Variants in PIEZO2 observed in about 807,000 individuals in gnomAD.
The protein encoded by PIEZO2 is piezo type mechanosensitive ion channel component 2.
PIEZO2 carries 172 observed loss-of-function variants against 337.3 expected under a neutral mutation model. The observed-to-expected ratio is 0.51, with a 90% CI of 0.45 to 0.58. The LOEUF (loss-of-function observed/expected upper bound fraction) is 0.58. Among genes scored for constraint, PIEZO2 ranks in the 20% least tolerant of loss-of-function variants. PIEZO2 has a pLI of 0.00. For synonymous variants in PIEZO2, 1,251 were observed against 1,228.5 expected (o/e 1.02, Z -0.38); for missense variants, 3,028 against 3,391.3 (o/e 0.89, Z 2.66).
At chr18:11,045,430 G>A (rs543394707) in intron 2 of PIEZO2, among the ~76,000 whole-genome samples, 15 of 151,620 alleles carry the variant, frequency 9.9e-5, no homozygotes, top group African/African-American at 3.1e-4. Context: ...TATTTTCTCC[G>A]TGAGACACAT....
rs556779970 is a variant in PIEZO2 at position 10,789,175 on chromosome 18, G to A, written c.2073C>T (p.Cys691=). ...AMFIKYWIYV[C]GGMFFFVSFE... is the part of the protein sequence containing the mutation. ...AGCTGACGAAGAAGAACATGCCTCC[G>A]CAGACGTAGATCCAGTACTTGATGA... Residue 691 remains cysteine, a synonymous_variant, in exon 15 of 56, where the codon TGC becomes TGT. Coordinates refer to ENST00000674853, the MANE Select transcript of PIEZO2 (RefSeq NM_001378183.1). 6.5e-6 allele frequency: 10 copies of A among 1,537,246 alleles called. No homozygotes were observed. Among genetic ancestry groups the A allele is most frequent in the East Asian group, 4.9e-5 (2 of 40,912 alleles).
At position 10,731,177 on chromosome 18, in the gene PIEZO2, T is replaced by TAGATATA. The variant is rs1555633703; in HGVS notation, c.5029+229_5029+230insTATATCT. Among the ~76,000 whole-genome samples, 50 of 35,228 alleles carry TAGATATA rather than the reference T, an allele frequency of 1.4e-3. 1 individual carries two copies. Among genetic ancestry groups the TAGATATA allele is most frequent in the African/African-American group, 5.8e-3 (45 of 7,756 alleles). 23.1% of individuals were successfully genotyped at this position (35,228 alleles called of 152,430 possible). On this transcript the variant is annotated intron_variant, in intron 36 of 55. Transcript: ENST00000674853. ...CTCTCCTTTTTTCCTACTTAAAAGA[T>TAGATATA]TATATATATATATATATATATATAT...
chr18:10,715,457 G>T (rs2035975595), intron 38 of PIEZO2, among the ~76,000 whole-genome samples, 193 bp downstream of exon 38: 1 of 152,192 alleles, frequency 6.6e-6, no homozygotes, highest in South Asian at 2.1e-4. Flanking sequence ...GTGTGTAGGT[G>T]CATGTGCATG....
At chr18:10,772,287 T>G (rs918968032) in intron 20 of PIEZO2, among the ~76,000 whole-genome samples, 3 of 152,136 alleles carry the variant, frequency 2.0e-5, no homozygotes, top group Non-Finnish European at 4.4e-5. Flanking sequence ...TAAAAAGGTG[T>G]AGGTAATAAA....
chr18:10,947,847 C>T (rs1598734205), intron 3 of PIEZO2, among the ~76,000 whole-genome samples: 2 of 152,146 alleles, frequency 1.3e-5, no homozygotes, highest in East Asian at 3.9e-4. Context: ...TGCTAGTATA[C>T]TATTGCAAAG....
rs34271749 is a variant in PIEZO2 at position 10,770,572 on chromosome 18, TCTTC to T, written c.2786-268_2786-265del. 0.81 allele frequency among the ~76,000 whole-genome samples: 123,355 copies of T among 151,474 alleles called. 50,598 individuals carry two copies. Among genetic ancestry groups the T allele is most frequent in the East Asian group, 0.93 (4,754 of 5,126 alleles). The stretch of plus-strand genomic sequence containing the variant: ...AGTGTAAAGAAGGATTTTGACATTA[TCTTC>T]CTTCCTTCCTTCCTTCCACTCGCTT... On this transcript the variant is annotated intron_variant, in intron 20 of 55. Coordinates refer to ENST00000674853, the MANE Select transcript of PIEZO2 (RefSeq NM_001378183.1).
intron 2 of PIEZO2, 38 bp downstream of exon 2, chr18:11,066,089 G>GTA: frequency 3.4e-6 from 5 of 1,459,046 alleles, no homozygotes; most frequent in Non-Finnish European, 4.6e-6. Flanking sequence ...CATTCAGACT[G>GTA]TATAACTCTG....
chr18:11,012,790 T>C (rs748927895), intron 2 of PIEZO2, among the ~76,000 whole-genome samples: 7 of 152,234 alleles, frequency 4.6e-5, no homozygotes, highest in Non-Finnish European at 1.0e-4. Flanking sequence ...ATGCCTGTAA[T>C]TCCAATACTT....
At chr18:11,040,388 A>C (rs981663242) in intron 2 of PIEZO2, among the ~76,000 whole-genome samples, 1 of 152,154 alleles carries the variant, frequency 6.6e-6, no homozygotes, top group African/African-American at 2.4e-5. Context: ...TATCCAATAA[A>C]GGTTGAGGAG....
intron 1 of PIEZO2, among the ~76,000 whole-genome samples, chr18:11,144,879 G>T (rs1015932268): frequency 6.6e-6 from 1 of 152,082 alleles, no homozygotes; most frequent in African/African-American, 2.4e-5. Flanking sequence ...CAAGACATTA[G>T]GGAACTCCAG....
At chr18:11,086,668 A>G (rs553336861) in intron 1 of PIEZO2, among the ~76,000 whole-genome samples, 1 of 152,334 alleles carries the variant, frequency 6.6e-6, no homozygotes, top group Non-Finnish European at 1.5e-5. Flanking sequence ...ATTGATAGAT[A>G]TGAAAAACAC....
At chr18:10,694,605 A>C (rs1321091820) in intron 47 of PIEZO2, among the ~76,000 whole-genome samples, 2 of 152,192 alleles carry the variant, frequency 1.3e-5, no homozygotes, top group East Asian at 3.9e-4. Context: ...CCCAGGCAGG[A>C]GGACTGCTTG....
At chr18:11,060,282 C>CTAAA (rs1238252489) in intron 2 of PIEZO2, among the ~76,000 whole-genome samples, 1 of 152,068 alleles carries the variant, frequency 6.6e-6, no homozygotes, top group Non-Finnish European at 1.5e-5. Context: ...ATTTATAGCA[C>CTAAA]TAAATGCCCA....
Position 10,726,548 on chromosome 18 carries a change from GCCGCCACGCTGTGCGTCTGTCCTT to G in PIEZO2, c.5029+4835_5029+4858del. On this transcript the variant is annotated intron_variant, in intron 36 of 55. Coordinates refer to ENST00000674853, the MANE Select transcript of PIEZO2 (RefSeq NM_001378183.1). The surrounding 1 kb of genome is among the most constrained non-coding windows in gnomAD (Gnocchi z 5.9). ...TGCGCTGCTCTGCTCTGCTACACCAGCCGCCACGCTGTGCGTCTGTCCTTCCGCCAGCTCTTCCAGGACCTGGCG... is the reference window on the plus strand; with the variant it reads ...TGCGCTGCTCTGCTCTGCTACACCAGCCGCCAGCTCTTCCAGGACCTGGCG... 2 of 1,423,062 alleles carry G rather than the reference GCCGCCACGCTGTGCGTCTGTCCTT, an allele frequency of 1.4e-6. No homozygotes were observed. The highest frequency in any genetic ancestry group is 1.4e-5 in the African/African-American group (1 of 69,574). The allele number at this position is 1,423,062 out of a possible 1,614,324, so 88.2% of individuals were successfully genotyped here. A position where few individuals can be genotyped will look rare whatever the true frequency, so the allele number is the denominator to read the frequency against.
At chr18:11,074,019 T>C (rs1487519922) in intron 1 of PIEZO2, among the ~76,000 whole-genome samples, 3 of 152,046 alleles carry the variant, frequency 2.0e-5, no homozygotes, top group African/African-American at 7.2e-5. Context: ...GCTAATTTTT[T>C]GTATTTTTAG....
rs1389904334 is a variant in PIEZO2, at chr18:10,945,826, G to T, written c.286+33709C>A. On this transcript the variant is annotated intron_variant, in intron 3 of 55. Coordinates refer to ENST00000674853, the MANE Select transcript of PIEZO2 (RefSeq NM_001378183.1). This position sits in a 1 kb window ranked among gnomAD's most constrained non-coding sequence, Gnocchi z 4.0. Reference sequence around the variant, plus strand: ...AGTAGATATAGAGAAGACATCAAAAGAAAAAATTGGACTTCTTGAGATAAT... The same window carrying T: ...AGTAGATATAGAGAAGACATCAAAATAAAAAATTGGACTTCTTGAGATAAT... Among the ~76,000 whole-genome samples, 7 of 152,078 alleles carry T rather than the reference G, an allele frequency of 4.6e-5. No individual in the cohort carries two copies. The highest frequency in any genetic ancestry group is 1.0e-4 in the Non-Finnish European group (7 of 68,016).
chr18:10,807,068 A>G lies in PIEZO2; in HGVS notation c.1080+44T>C, dbSNP rs75989079. 17,910 of 1,493,400 alleles carry G rather than the reference A, an allele frequency of 0.012. 144 individuals are homozygous for G. Among genetic ancestry groups the G allele is most frequent in the Non-Finnish European group, 0.015 (16,417 of 1,111,454 alleles). 92.5% of individuals were successfully genotyped at this position (1,493,400 alleles called of 1,614,324 possible). A position where few individuals can be genotyped will look rare whatever the true frequency, so the allele number is the denominator to read the frequency against. Reference sequence around the variant, plus strand: ...GTGAATCATTTCACGTGGAGATTCTAGGTTACTTTGCAGACAAGATCATGA... The same window carrying G: ...GTGAATCATTTCACGTGGAGATTCTGGGTTACTTTGCAGACAAGATCATGA... On this transcript the variant is annotated intron_variant, in intron 8 of 55. Transcript: ENST00000674853.
At position 10,773,516 on chromosome 18, in the gene PIEZO2, C is replaced by A. The variant is rs1390896501; in HGVS notation, c.2681G>T (p.Gly894Val). 11 of 1,537,344 alleles carry A rather than the reference C, an allele frequency of 7.2e-6. No homozygotes were observed. Among genetic ancestry groups the A allele is most frequent in the Non-Finnish European group, 8.7e-6 (10 of 1,146,976 alleles). ...LAEPGEEKLEGYSEKAQKGDL... is the reference protein window; with the variant it reads ...LAEPGEEKLEVYSEKAQKGDL... ...ACCCTTCTGGGCTTTTTCAGAGTAG[C>A]CCTCAAGCTTCTCCTCCCCAGGCTC... Residue 894 changes from glycine to valine, a missense_variant, in exon 20 of 56, where the codon GGC becomes GTC. By Grantham distance (109) the Gly-to-Val change is moderately radical. This residue lies in a region of PIEZO2 where 1,925 missense variants were observed against 2,051.9 expected (regional missense o/e 0.94). Coordinates refer to ENST00000674853, the MANE Select transcript of PIEZO2 (RefSeq NM_001378183.1). This position sits in a 1 kb window ranked among gnomAD's most constrained non-coding sequence, Gnocchi z 5.3.
chr18:10,977,402 A>G (rs1455695244), intron 3 of PIEZO2, among the ~76,000 whole-genome samples: 1 of 151,990 alleles, frequency 6.6e-6, no homozygotes, highest in East Asian at 1.9e-4. Flanking sequence ...ATCATTTTTG[A>G]AAAAGCCTTT....
Sources: gnomAD v4.1 joint callset for allele counts (sites outside exome capture counted in the v4.1 genomes callset) on GRCh38, gnomAD v4.1.1 for gene constraint, gnomAD v4.1.1 regional missense constraint, Gnocchi (gnomAD v3.1) non-coding constraint, MANE v1.5 for transcripts, NCBI Gene and HGNC (gene_info 2026-07-23, HGNC 2026-07-21) for gene names.